The following DENND4C variants were observed in gnomAD, a reference collection of about 807,000 sequenced individuals.
DENND4C encodes DENN domain-containing protein 4C.
Under a neutral mutation model 203.0 loss-of-function variants are expected in DENND4C, and 108 were observed. The ratio of observed to expected loss-of-function variants is 0.53; its 90% CI spans 0.46 to 0.62. DENND4C has a LOEUF of 0.62. Among genes scored for constraint, DENND4C ranks in the 20% least tolerant of loss-of-function variants. The pLI is 0.00. For missense variants in DENND4C, 2,481 were observed against 2,301.2 expected (o/e 1.08, Z -1.60); for synonymous variants, 871 against 792.4 (o/e 1.10, Z -1.67).
At chr9:19,311,188 A>G (rs948873726) in intron 10 of DENND4C, among the ~76,000 whole-genome samples, 5 of 152,054 alleles carry the variant, frequency 3.3e-5, no homozygotes, top group African/African-American at 9.7e-5. Flanking sequence ...GAGTGGCCCA[A>G]TCTTGGCTCA....
intron 2 of DENND4C, among the ~76,000 whole-genome samples, chr9:19,285,020 C>T (rs1834903307): frequency 6.6e-6 from 1 of 152,164 alleles, no homozygotes; most frequent in African/African-American, 2.4e-5. Context: ...CTGTGATCCA[C>T]CGGGGGATCC....
At chr9:19,288,377 C>A (rs531268740) in intron 3 of DENND4C, among the ~76,000 whole-genome samples, 6 of 152,278 alleles carry the variant, frequency 3.9e-5, no homozygotes, top group East Asian at 1.9e-4. Context: ...TTTGAAATGG[C>A]CTTCATATCA....
At chr9:19,327,712 T>C (rs1041026356) in intron 15 of DENND4C, among the ~76,000 whole-genome samples, 2 of 151,988 alleles carry the variant, frequency 1.3e-5, no homozygotes, top group Admixed American at 1.3e-4. Flanking sequence ...TATACTAAAA[T>C]TTTTTTAAAC....
At position 19,242,612 on chromosome 9, in the gene DENND4C, T is replaced by C. The variant is rs144025417; in HGVS notation, c.-18+11779T>C. ...TATTGTCAGTTTTTTTGATTGTAGCTATTCTAATAGGTGTGGATTGGTATC... is the reference window on the plus strand; with the variant it reads ...TATTGTCAGTTTTTTTGATTGTAGCCATTCTAATAGGTGTGGATTGGTATC... On this transcript the variant is annotated intron_variant, in intron 1 of 32. Coordinates refer to ENST00000434457, the MANE Select transcript of DENND4C (RefSeq NM_001330640.2). 1.2e-3 allele frequency among the ~76,000 whole-genome samples: 184 copies of C among 152,294 alleles called. 1 individual carries two copies. The highest frequency in any genetic ancestry group is 4.2e-3 in the African/African-American group (174 of 41,580).
At chr9:19,281,879 T>A (rs995186381) in intron 2 of DENND4C, among the ~76,000 whole-genome samples, 2 of 152,182 alleles carry the variant, frequency 1.3e-5, no homozygotes, top group African/African-American at 4.8e-5. Context: ...GGTGAGTATA[T>A]GTATATCTAA....
chr9:19,285,643 T>C (rs112264002), intron 2 of DENND4C, among the ~76,000 whole-genome samples: 23 of 151,442 alleles, frequency 1.5e-4, no homozygotes, highest in African/African-American at 5.6e-4. Flanking sequence ...TAAGAAGGCT[T>C]TGTCTAACCT....
At chr9:19,253,459 C>G (rs769830273) in intron 1 of DENND4C, among the ~76,000 whole-genome samples, 3 of 152,204 alleles carry the variant, frequency 2.0e-5, no homozygotes, top group Non-Finnish European at 4.4e-5. Flanking sequence ...CTGATTTTAT[C>G]TGAAATGATT....
rs761571882 is a variant in DENND4C at position 19,316,405 on chromosome 9, C to T, written c.1488-12C>T. The T allele has an allele frequency of 2.5e-6, 4 of 1,597,758 alleles. No individual in the cohort carries two copies. The African/African-American group carries it at 4.1e-5, about 16-fold the overall frequency. On this transcript the variant is annotated splice_polypyrimidine_tract_variant and intron_variant, in intron 10 of 32. Coordinates refer to ENST00000434457, the MANE Select transcript of DENND4C (RefSeq NM_001330640.2). Reference sequence around the variant, plus strand: ...AATAACACATTTTATGAATTTTGTTCTGATTTAATAGATCAGATGAAAAGA... The same window carrying T: ...AATAACACATTTTATGAATTTTGTTTTGATTTAATAGATCAGATGAAAAGA...
Position 19,325,990 on chromosome 9 carries a change from A to G in DENND4C, c.1989+16A>G, listed in dbSNP as rs372990003. ...AACAGATAAGGTATGTTTTTCTTAG[A>G]TTTTAAGGGTTGAAATTTCAGAATT... is the stretch of plus-strand genomic sequence containing the variant. On this transcript the variant is annotated intron_variant, in intron 14 of 32. Coordinates refer to ENST00000434457, the MANE Select transcript of DENND4C (RefSeq NM_001330640.2). 1.7e-5 allele frequency: 27 copies of G among 1,608,468 alleles called. No homozygotes were observed. Among genetic ancestry groups the G allele is most frequent in the Non-Finnish European group, 2.2e-5 (26 of 1,178,182 alleles).
intron 1 of DENND4C, among the ~76,000 whole-genome samples, chr9:19,254,377 T>C (rs1000511832): frequency 2.6e-5 from 4 of 152,112 alleles, no homozygotes; most frequent in Admixed American, 2.0e-4. Context: ...AATTGTGGCA[T>C]ACACACACAC....
At chr9:19,239,405 C>T (rs1823115559) in intron 1 of DENND4C, among the ~76,000 whole-genome samples, 1 of 151,424 alleles carries the variant, frequency 6.6e-6, no homozygotes, top group Non-Finnish European at 1.5e-5. Context: ...TATATAGTAT[C>T]TTTATGTTAA....
chr9:19,282,510 T>C (rs1483504454), intron 2 of DENND4C, among the ~76,000 whole-genome samples: 2 of 143,134 alleles, frequency 1.4e-5, no homozygotes, highest in Non-Finnish European at 3.0e-5. Context: ...TGCCTTGGCC[T>C]CCCAAAGTGC....
chr9:19,299,259 C>T lies in DENND4C; in HGVS notation c.1138C>T (p.Gln380Ter). Residue 380 changes from glutamine (Q) to a stop codon, truncating the protein, a stop_gained, in exon 8 of 33, where the codon CAG (glutamine) becomes TAG (stop). Transcript: ENST00000434457. LOFTEE classifies it high-confidence loss of function. ...AGTCCATGATGCATTAATATTATCACAGCCAGTTTCTACACCTTTACCACT... is the reference window on the plus strand; with the variant it reads ...AGTCCATGATGCATTAATATTATCATAGCCAGTTTCTACACCTTTACCACT... ...LSVHDALILS[Q>*]PVSTPLPLSG... The T allele has an allele frequency of 6.3e-7, 1 of 1,580,560 alleles. No individual in the cohort carries two copies. Among genetic ancestry groups the T allele is most frequent in the East Asian group, 2.3e-5 (1 of 43,858 alleles).
At position 19,366,860 on chromosome 9, in the gene DENND4C, T is replaced by G. The variant is rs1317255769; in HGVS notation, c.5525-2977T>G. Among the ~76,000 whole-genome samples, 5 of 152,262 alleles carry G rather than the reference T, an allele frequency of 3.3e-5. No homozygotes were observed. The East Asian group carries it at 9.6e-4, about 29-fold the overall frequency. The stretch of plus-strand genomic sequence containing the variant: ...CAAAAGAAAAAGTAGATAAGTTGGA[T>G]TTAGTCAAAAGAAAGAACTTCTGAA... On this transcript the variant is annotated intron_variant, in intron 30 of 32. Transcript: ENST00000434457.
At chr9:19,320,215 T>A (rs79353163) in intron 12 of DENND4C, among the ~76,000 whole-genome samples, 2 of 151,906 alleles carry the variant, frequency 1.3e-5, no homozygotes, top group Non-Finnish European at 2.9e-5. Context: ...TTTTTTTTTT[T>A]AAAGACAGAG....
At chr9:19,287,339 C>T (rs1303106508) in intron 3 of DENND4C, among the ~76,000 whole-genome samples, 1 of 152,110 alleles carries the variant, frequency 6.6e-6, no homozygotes, top group Non-Finnish European at 1.5e-5. Flanking sequence ...GGTAGAAGCT[C>T]TCCTTACATT....
chr9:19,266,625 A>T (rs577061671), intron 1 of DENND4C, among the ~76,000 whole-genome samples: 1 of 152,348 alleles, frequency 6.6e-6, no homozygotes, highest in East Asian at 1.9e-4. Context: ...GTACCAAAAC[A>T]GAGATATAGA....
At chr9:19,339,205 A>G (rs1430357330) in intron 20 of DENND4C, among the ~76,000 whole-genome samples, 1 of 152,140 alleles carries the variant, frequency 6.6e-6, no homozygotes, top group African/African-American at 2.4e-5. Flanking sequence ...TTATTATTTC[A>G]GTGGCATTTT....
intron 1 of DENND4C, among the ~76,000 whole-genome samples, chr9:19,274,096 A>G (rs1373334334): frequency 1.3e-5 from 2 of 152,086 alleles, no homozygotes; most frequent in Non-Finnish European, 2.9e-5. Flanking sequence ...AACTGTTGAT[A>G]CAAGCAACAA....
Sources: allele counts gnomAD v4.1 joint callset (sites outside exome capture counted in the v4.1 genomes callset), GRCh38; gene constraint gnomAD v4.1.1; transcripts MANE v1.5; gene names NCBI Gene and HGNC (gene_info 2026-07-23, HGNC 2026-07-21).